SORL1: variants seen among roughly 807,000 people sequenced by gnomAD.
SORL1 encodes sortilin-related receptor.
Under a neutral mutation model 273.7 loss-of-function variants are expected in SORL1, and 127 were observed. The ratio of observed to expected loss-of-function variants is 0.46; its 90% CI spans 0.40 to 0.54. The LOEUF is 0.54. Among genes scored for constraint, SORL1 ranks in the 20% least tolerant of loss-of-function variants. The pLI, the probability that SORL1 is intolerant of heterozygous loss-of-function variation, is 0.00. For synonymous variants in SORL1, 1,031 were observed against 1,067.4 expected (o/e 0.97, Z 0.66); for missense variants, 2,494 against 2,846.1 (o/e 0.88, Z 2.81).
intron 47 of SORL1, among the ~76,000 whole-genome samples, chr11:121,628,611 A>G (rs1400117313): frequency 6.6e-6 from 1 of 152,198 alleles, no homozygotes; most frequent in Non-Finnish European, 1.5e-5. Context: ...ACACATAGCA[A>G]GGGAAAAAGT....
chr11:121,456,352 C>T (rs559121328), intron 1 of SORL1, among the ~76,000 whole-genome samples: 1 of 152,212 alleles, frequency 6.6e-6, no homozygotes, highest in African/African-American at 2.4e-5. Flanking sequence ...ATCAAGTTCT[C>T]TTGTGTTTCC....
rs142076280 is a variant in SORL1, at chr11:121,478,132, C to T, written c.417C>T (p.Tyr139=). 27 of 1,613,066 alleles carry T rather than the reference C, an allele frequency of 1.7e-5. No individual in the cohort carries two copies. Among genetic ancestry groups the T allele is most frequent in the African/African-American group, 1.3e-4 (10 of 74,836 alleles). The stretch of plus-strand genomic sequence containing the variant: ...CTGTATTCCAGGTGTACGTGTCTTA[C>T]GACTATGGAAAATCATTCAAGAAAA... ...RPKSSDVYVS[Y]DYGKSFKKIS... Residue 139 remains tyrosine (Y), a synonymous_variant, in exon 3 of 48, where the codon TAC becomes TAT. Transcript: ENST00000260197.
chr11:121,552,379 T>A (rs1862519523), intron 16 of SORL1, among the ~76,000 whole-genome samples: 1 of 152,240 alleles, frequency 6.6e-6, no homozygotes, highest in South Asian at 2.1e-4. Flanking sequence ...GAATGCCGCA[T>A]GCTGCTCTGA....
chr11:121,601,295 ATTG>A (rs1863387771), intron 32 of SORL1, among the ~76,000 whole-genome samples: 1 of 134,418 alleles, frequency 7.4e-6, no homozygotes, highest in African/African-American at 2.8e-5. Context: ...CCAGTCTATC[ATTG>A]TTGGACATTT....
chr11:121,551,620 G>A (rs934025520), intron 16 of SORL1, among the ~76,000 whole-genome samples: 3 of 152,106 alleles, frequency 2.0e-5, no homozygotes, highest in South Asian at 2.1e-4. Flanking sequence ...GTTAACTTCC[G>A]TCTGTGGTGG....
intron 40 of SORL1, 134 bp downstream of exon 40, chr11:121,612,966 T>C (rs1863588966): frequency 3.1e-6 from 2 of 637,096 alleles, no homozygotes; most frequent in Non-Finnish European, 2.8e-6. Flanking sequence ...GTTGACAGGT[T>C]CTTGTGCATT....
chr11:121,547,898 G>A (rs928585358), intron 14 of SORL1, among the ~76,000 whole-genome samples: 1 of 152,138 alleles, frequency 6.6e-6, no homozygotes, highest in African/African-American at 2.4e-5. Flanking sequence ...TTCAGGTACT[G>A]GTTGACAACT....
chr11:121,495,473 C>T (rs1044334585), intron 5 of SORL1, among the ~76,000 whole-genome samples: 7 of 152,156 alleles, frequency 4.6e-5, no homozygotes, highest in African/African-American at 1.7e-4. Flanking sequence ...CAGTATATCT[C>T]TGAAGGAATT....
Position 121,615,040 on chromosome 11 carries a change from C to A in SORL1, c.5589C>A (p.Thr1863=). Residue 1863 remains threonine (T), a synonymous_variant, in exon 41 of 48, where the codon ACC becomes ACA. Transcript: ENST00000260197. Reference sequence around the variant, plus strand: ...AGACTGCAGTGGAATGTACCTGGACCGGCCCCCGGAATGTGGTGAGTCAGC... The same window carrying A: ...AGACTGCAGTGGAATGTACCTGGACAGGCCCCCGGAATGTGGTGAGTCAGC... ...INQTAVECTW[T]GPRNVVYGIF... 1 of 1,600,964 alleles carries A rather than the reference C, an allele frequency of 6.2e-7. No individual in the cohort carries two copies. Among genetic ancestry groups the A allele is most frequent in the Non-Finnish European group, 8.5e-7 (1 of 1,173,972 alleles).
chr11:121,525,554 G>T (rs1045717807), intron 11 of SORL1, among the ~76,000 whole-genome samples: 2 of 152,210 alleles, frequency 1.3e-5, no homozygotes, highest in African/African-American at 4.8e-5. Context: ...AACAGTATGT[G>T]AGAATTTTAA....
At chr11:121,561,626 C>T (rs975016392) in intron 21 of SORL1, among the ~76,000 whole-genome samples, 6 of 145,282 alleles carry the variant, frequency 4.1e-5, no homozygotes, top group Non-Finnish European at 1.5e-5. Flanking sequence ...GAGGTTGAGG[C>T]TGCAGTTAGC....
intron 12 of SORL1, among the ~76,000 whole-genome samples, chr11:121,535,390 A>G (rs976521091): frequency 6.6e-6 from 1 of 152,238 alleles, no homozygotes; most frequent in East Asian, 1.9e-4. Flanking sequence ...TACACAGACA[A>G]CTGTCGAACA....
At chr11:121,588,680 G>C (rs1038623273) in intron 28 of SORL1, among the ~76,000 whole-genome samples, 2 of 152,140 alleles carry the variant, frequency 1.3e-5, no homozygotes, top group African/African-American at 2.4e-5. Flanking sequence ...TGGGACTGCT[G>C]TAGCAGAGTA....
At chr11:121,541,915 T>G (rs1038564107) in intron 12 of SORL1, among the ~76,000 whole-genome samples, 2 of 152,236 alleles carry the variant, frequency 1.3e-5, no homozygotes, top group Admixed American at 6.5e-5. Context: ...TTGGAGACTT[T>G]CCTCAGTATA....
intron 25 of SORL1, among the ~76,000 whole-genome samples, chr11:121,577,806 C>T (rs578084589): frequency 4.6e-5 from 7 of 152,210 alleles, no homozygotes; most frequent in South Asian, 4.1e-4. Flanking sequence ...TGTTTGTACC[C>T]GTTTTGGGTA....
At position 121,488,225 on chromosome 11, in the gene SORL1, G is replaced by A; in HGVS notation, c.690+32G>A. 10 of 1,607,386 alleles carry A rather than the reference G, an allele frequency of 6.2e-6. 1 individual carries two copies. The Middle Eastern group carries it at 1.7e-3, about 269-fold the overall frequency. Reference sequence around the variant, plus strand: ...GGGCTTTCAGAACCCAGTTGCATGGGGCTCCTCTAGTTTTCTCCTCTGCCT... The same window carrying A: ...GGGCTTTCAGAACCCAGTTGCATGGAGCTCCTCTAGTTTTCTCCTCTGCCT... On this transcript the variant is annotated intron_variant, in intron 4 of 47. Coordinates refer to ENST00000260197, the MANE Select transcript of SORL1 (RefSeq NM_003105.6).
chr11:121,471,893 C>A (rs765630878), intron 2 of SORL1, among the ~76,000 whole-genome samples: 3 of 152,110 alleles, frequency 2.0e-5, no homozygotes, highest in Non-Finnish European at 4.4e-5. Flanking sequence ...TGGGGCAGGG[C>A]TAGACTTGTT....
At chr11:121,593,295 A>G (rs979214369) in intron 31 of SORL1, among the ~76,000 whole-genome samples, 7 of 152,240 alleles carry the variant, frequency 4.6e-5, no homozygotes, top group African/African-American at 9.6e-5. Context: ...TAGAATATGC[A>G]CAATATCCTG....
chr11:121,555,101 A>C, intron 17 of SORL1, 86 bp from the exon 18 acceptor site: 1 of 1,389,894 alleles, frequency 7.2e-7, no homozygotes, highest in Non-Finnish European at 9.6e-7. Flanking sequence ...CTGCCAGTTG[A>C]ATAAAGGGTT....
Sources: allele counts gnomAD v4.1 joint callset (sites outside exome capture counted in the v4.1 genomes callset), GRCh38; gene constraint gnomAD v4.1.1; transcripts MANE v1.5; gene names NCBI Gene and HGNC (gene_info 2026-07-23, HGNC 2026-07-21).